The following EML6 variants were observed in gnomAD, a reference collection of about 807,000 sequenced individuals.
EML6 encodes the protein EMAP like 6, also known as echinoderm microtubule-associated protein-like 6.
Under a neutral mutation model 240.1 loss-of-function variants are expected in EML6, and 154 were observed. That is an observed-to-expected ratio of 0.64 (90% confidence interval 0.56 to 0.73). The LOEUF (loss-of-function observed/expected upper bound fraction) is 0.73. Among genes scored for constraint, EML6 ranks in the 30% least tolerant of loss-of-function variants. The pLI is 0.00. For synonymous variants in EML6, 1,148 were observed against 899.0 expected (o/e 1.28, Z -4.95); for missense variants, 2,964 against 2,474.6 (o/e 1.20, Z -4.20).
At chr2:54,851,245 C>T (rs1056873747) in intron 10 of EML6, among the ~76,000 whole-genome samples, 2 of 151,532 alleles carry the variant, frequency 1.3e-5, no homozygotes, top group East Asian at 3.9e-4. Flanking sequence ...CCCATCTCTG[C>T]TAAAGATACA....
In EML6 at chr2:54,853,827, A is replaced by C; in HGVS notation, c.1629A>C (p.Lys543Asn). The change falls in exon 11 of 42, where the codon AAA becomes AAC. Residue 543 changes from lysine to asparagine, a missense_variant. Physicochemically the swap from Lys to Asn is moderately conservative, Grantham distance 94. Coordinates refer to ENST00000356458, the MANE Select transcript of EML6 (RefSeq NM_001039753.4). Reference protein sequence around the residue: ...LVSGDDFGLVKLFKFPCLKRG... With the variant: ...LVSGDDFGLVNLFKFPCLKRG... ...CTGGAGATGATTTTGGACTGGTTAAATTGTTTAAATTTCCTTGTCTCAAGA... is the reference window on the plus strand; with the variant it reads ...CTGGAGATGATTTTGGACTGGTTAACTTGTTTAAATTTCCTTGTCTCAAGA... 1 of 1,551,446 alleles carries C rather than the reference A, an allele frequency of 6.4e-7. No individual in the cohort carries two copies. Among genetic ancestry groups the C allele is most frequent in the East Asian group, 2.4e-5 (1 of 40,922 alleles).
chr2:54,862,825 C>G (rs1434701658), intron 12 of EML6, among the ~76,000 whole-genome samples: 2 of 152,122 alleles, frequency 1.3e-5, no homozygotes, highest in Non-Finnish European at 2.9e-5. Context: ...TTCCCAAATG[C>G]AAGTTGAAGG....
intron 17 of EML6, among the ~76,000 whole-genome samples, chr2:54,883,116 TAGC>T (rs776649218): frequency 1.6e-4 from 24 of 151,992 alleles, no homozygotes; most frequent in Non-Finnish European, 3.2e-4. Context: ...ATAGAAAAAT[TAGC>T]AGGGAAAAGC....
chr2:54,744,905 TACACACACACACACAC>T (rs56324677), intron 2 of EML6, among the ~76,000 whole-genome samples: 4,671 of 107,246 alleles, frequency 0.044, 146 homozygotes, highest in Admixed American at 0.092. Flanking sequence ...CACACACACG[TACACACACACACACAC>T]ACACACACAC....
chr2:54,729,710 T>G (rs1683071622), intron 2 of EML6, among the ~76,000 whole-genome samples: 1 of 152,252 alleles, frequency 6.6e-6, no homozygotes, highest in South Asian at 2.1e-4. Context: ...CTGTGCCTTC[T>G]TCCTAACCAG....
At position 54,870,553 on chromosome 2, in the gene EML6, T is replaced by C. The variant is rs375369701; in HGVS notation, c.2239-947T>C. Among the ~76,000 whole-genome samples, 5 of 152,358 alleles carry C rather than the reference T, an allele frequency of 3.3e-5. No homozygotes were observed. In the East Asian group the frequency reaches 9.6e-4, roughly 29 times the overall value. ...AAAATTAGAGACCTACTGTGTTAGC[T>C]GATGTTATAAGGTTTTACAAGTAAT... On this transcript the variant is annotated intron_variant, in intron 15 of 41. Coordinates refer to ENST00000356458, the MANE Select transcript of EML6 (RefSeq NM_001039753.4).
intron 17 of EML6, 158 bp downstream of exon 17, chr2:54,879,798 T>G (rs1191802103): frequency 4.9e-6 from 3 of 610,402 alleles, no homozygotes; most frequent in Non-Finnish European, 8.8e-6. Flanking sequence ...TATTTCATGG[T>G]GCCAAACCTG....
chr2:54,794,158 A>G (rs570034739), intron 2 of EML6, among the ~76,000 whole-genome samples: 1 of 152,214 alleles, frequency 6.6e-6, no homozygotes, highest in Non-Finnish European at 1.5e-5. Flanking sequence ...TATAAAGGCT[A>G]AGATAGATTA....
At chr2:54,880,695 C>G (rs2103984598) in intron 17 of EML6, 1 of 152,288 alleles carries the variant, frequency 6.6e-6, no homozygotes, top group African/African-American at 2.4e-5. Flanking sequence ...TCTAGTATTC[C>G]TCACTGTCAT....
intron 3 of EML6, among the ~76,000 whole-genome samples, chr2:54,815,694 C>G (rs1277524862): frequency 6.6e-6 from 1 of 152,060 alleles, no homozygotes; most frequent in African/African-American, 2.4e-5. Context: ...ATTAAAAAAC[C>G]CTCAACGATG....
Position 54,962,692 on chromosome 2 carries a change from T to C in EML6, c.5138T>C (p.Ile1713Thr). 2 of 1,497,506 alleles carry C rather than the reference T, an allele frequency of 1.3e-6. No individual in the cohort carries two copies. Among genetic ancestry groups the C allele is most frequent in the Non-Finnish European group, 1.8e-6 (2 of 1,120,228 alleles). 92.8% of individuals were successfully genotyped at this position (1,497,506 alleles called of 1,614,324 possible). The change falls in exon 36 of 42, where the codon ATC becomes ACC. Residue 1713 changes from isoleucine to threonine, a missense_variant. By Grantham distance (89) the Ile-to-Thr change is moderately conservative. Coordinates refer to ENST00000356458, the MANE Select transcript of EML6 (RefSeq NM_001039753.4). Reference protein sequence around the residue: ...ISASNDGTARIWDLADKKLLN... With the variant: ...ISASNDGTARTWDLADKKLLN... ...GCCAGCAACGATGGCACAGCCCGGATCTGGGACCTGGCTGACAAGGTGAGG... is the reference window on the plus strand; with the variant it reads ...GCCAGCAACGATGGCACAGCCCGGACCTGGGACCTGGCTGACAAGGTGAGG...
chr2:54,856,473 T>G (rs1424057465), intron 11 of EML6, among the ~76,000 whole-genome samples: 1 of 152,202 alleles, frequency 6.6e-6, no homozygotes, highest in Non-Finnish European at 1.5e-5. Context: ...TGTTGTACAT[T>G]TTATGACACA....
chr2:54,888,305 C>G lies in EML6; in HGVS notation c.2439-2749C>G, dbSNP rs746161386. ...TGGTCCCTGTTCCTTGGGCCAAGCA[C>G]TAAGGTTCCACCCATGGTTGCATGC... On this transcript the variant is annotated intron_variant, in intron 17 of 41. Transcript: ENST00000356458. 5.3e-5 allele frequency among the ~76,000 whole-genome samples: 8 copies of G among 152,300 alleles called. No individual in the cohort carries two copies. In the South Asian group the frequency reaches 1.7e-3, roughly 32 times the overall value.
chr2:54,729,294 C>T (rs897920780), intron 2 of EML6, among the ~76,000 whole-genome samples: 2 of 152,206 alleles, frequency 1.3e-5, no homozygotes, highest in African/African-American at 4.8e-5. Flanking sequence ...TGAAGGGGCA[C>T]CTTGCACTTC....
At chr2:54,794,240 A>G (rs1274749373) in intron 2 of EML6, among the ~76,000 whole-genome samples, 2 of 152,172 alleles carry the variant, frequency 1.3e-5, no homozygotes, top group Non-Finnish European at 2.9e-5. Flanking sequence ...TGGCTTCTGG[A>G]CTGTGCCATT....
In EML6 at chr2:54,952,604, C is replaced by G. The variant is rs967937789; in HGVS notation, c.4224C>G (p.Ser1408Arg). Residue 1408 changes from serine (S) to arginine (R), a missense_variant, in exon 31 of 42, where the codon AGC becomes AGG. By Grantham distance (110) the Ser-to-Arg change is moderately radical (BLOSUM62 -1). Transcript: ENST00000356458. ...IVQNLSTGSQ[S>R]FYLEHTDDIL... ...ATCTCTCTCCCCCAGGGAGCCAGAG[C>G]TTCTATCTGGAGCACACAGATGACA... 3.2e-6 allele frequency: 5 copies of G among 1,550,234 alleles called. No individual in the cohort carries two copies. Among genetic ancestry groups the G allele is most frequent in the Non-Finnish European group, 4.4e-6 (5 of 1,146,132 alleles).
chr2:54,859,783 T>A, intron 12 of EML6, 82 bp downstream of exon 12: 1 of 1,220,070 alleles, frequency 8.2e-7, no homozygotes, highest in Non-Finnish European at 1.1e-6. Flanking sequence ...ATTCTATAGG[T>A]AAAGGATTTA....
chr2:54,800,745 T>G (rs533379663), intron 2 of EML6, among the ~76,000 whole-genome samples: 1 of 152,194 alleles, frequency 6.6e-6, no homozygotes, highest in South Asian at 2.1e-4. Context: ...CCCAAGCAGC[T>G]TTTTTACTCT....
At chr2:54,948,449 A>G (rs559605391) in intron 28 of EML6, among the ~76,000 whole-genome samples, 1 of 152,288 alleles carries the variant, frequency 6.6e-6, no homozygotes, top group East Asian at 1.9e-4. Context: ...CACCATGGCC[A>G]TCGACAACTT....
Sources: allele counts gnomAD v4.1 joint callset (sites outside exome capture counted in the v4.1 genomes callset), GRCh38; gene constraint gnomAD v4.1.1; transcripts MANE v1.5; gene names NCBI Gene and HGNC (gene_info 2026-07-23, HGNC 2026-07-21).